The following PTPRM variants were observed in gnomAD, a reference collection of about 807,000 sequenced individuals.
PTPRM encodes the protein receptor-type tyrosine-protein phosphatase mu.
A neutral mutation model predicts 186.7 loss-of-function variants in PTPRM; 47 were observed. The ratio of observed to expected loss-of-function variants is 0.25; its 90% CI spans 0.20 to 0.32. The LOEUF (loss-of-function observed/expected upper bound fraction) is 0.32, where lower values mean the gene tolerates loss of function less well. Among genes scored for constraint, PTPRM ranks in the 10% least tolerant of loss-of-function variants. The pLI is 1.00. For synonymous variants in PTPRM, 668 were observed against 674.9 expected (o/e 0.99, Z 0.16); for missense variants, 1,494 against 1,865.0 (o/e 0.80, Z 3.66).
At chr18:8,238,651 G>GGT (rs2094376091) in intron 14 of PTPRM, among the ~76,000 whole-genome samples, 6 of 25,774 alleles carry the variant, frequency 2.3e-4, no homozygotes, top group Admixed American at 2.3e-3. Flanking sequence ...TGTTTTGTGT[G>GGT]TTTTTTTTTT....
At chr18:8,178,595 C>G (rs1179498962) in intron 14 of PTPRM, among the ~76,000 whole-genome samples, 2 of 151,866 alleles carry the variant, frequency 1.3e-5, no homozygotes, top group Non-Finnish European at 2.9e-5. Context: ...ACCAGCCTGG[C>G]CAACATGGTG....
intron 7 of PTPRM, among the ~76,000 whole-genome samples, chr18:8,009,143 G>C (rs539384493): frequency 1.3e-5 from 2 of 152,132 alleles, no homozygotes; most frequent in African/African-American, 4.8e-5. Flanking sequence ...GAGCTTCTCC[G>C]ATATAGCTTC....
chr18:8,360,823 A>G (rs2095593056), intron 23 of PTPRM: 1 of 152,250 alleles, frequency 6.6e-6, no homozygotes, highest in Non-Finnish European at 1.5e-5. Context: ...ATCACTTAAA[A>G]TTGTAAGTAA....
intron 14 of PTPRM, among the ~76,000 whole-genome samples, chr18:8,187,097 G>A (rs946128903): frequency 1.3e-5 from 2 of 151,952 alleles, no homozygotes; most frequent in East Asian, 1.9e-4. Context: ...ATGCCACCAC[G>A]CTGGGCAAAT....
intron 8 of PTPRM, among the ~76,000 whole-genome samples, chr18:8,075,384 C>T (rs912989875): frequency 5.9e-5 from 9 of 151,920 alleles, no homozygotes; most frequent in Admixed American, 4.6e-4. Context: ...GAGTTCTCTC[C>T]GACTGCTTAT....
intron 2 of PTPRM, among the ~76,000 whole-genome samples, chr18:7,798,475 G>A (rs975467324): frequency 2.9e-4 from 44 of 151,880 alleles, no homozygotes; most frequent in African/African-American, 1.0e-3. Flanking sequence ...GTTGCAGTGA[G>A]TAGAGATCAT....
At chr18:8,298,805 G>A (rs1247973809) in intron 20 of PTPRM, among the ~76,000 whole-genome samples, 1 of 152,170 alleles carries the variant, frequency 6.6e-6, no homozygotes, top group East Asian at 1.9e-4. Context: ...TGGGTGCTGG[G>A]ATGACTGGTC....
intron 14 of PTPRM, among the ~76,000 whole-genome samples, chr18:8,163,762 G>A (rs1041632931): frequency 3.9e-5 from 6 of 152,208 alleles, no homozygotes; most frequent in Admixed American, 3.9e-4. Context: ...ATTATGTGCA[G>A]TGTAACATGC....
At chr18:8,036,472 C>G (rs1600190682) in intron 7 of PTPRM, among the ~76,000 whole-genome samples, 1 of 152,310 alleles carries the variant, frequency 6.6e-6, no homozygotes, top group African/African-American at 2.4e-5. Flanking sequence ...CTCAGTTTCT[C>G]TAGCTATATA....
At chr18:8,175,515 C>A (rs532558683) in intron 14 of PTPRM, among the ~76,000 whole-genome samples, 1 of 152,108 alleles carries the variant, frequency 6.6e-6, no homozygotes, top group African/African-American at 2.4e-5. Context: ...TATGTCAATG[C>A]TATAATATAA....
intron 1 of PTPRM, among the ~76,000 whole-genome samples, chr18:7,669,398 G>C (rs978641234): frequency 3.9e-5 from 6 of 152,148 alleles, no homozygotes; most frequent in African/African-American, 1.4e-4. Context: ...AACTGAGAGG[G>C]TTTTGTGAAC....
intron 3 of PTPRM, among the ~76,000 whole-genome samples, chr18:7,889,379 C>T (rs1269163031): frequency 6.8e-6 from 1 of 146,338 alleles, no homozygotes; most frequent in African/African-American, 2.5e-5. Context: ...TTCCATCACC[C>T]GGGCTGGAGT....
chr18:7,970,554 A>C lies in PTPRM; in HGVS notation c.1132+15140A>C, dbSNP rs1458837193. Among the ~76,000 whole-genome samples, 4 of 29,792 alleles carry C rather than the reference A, an allele frequency of 1.3e-4. No individual in the cohort carries two copies. In the Admixed American group the frequency reaches 1.7e-3, roughly 12 times the overall value. 19.5% of individuals were successfully genotyped at this position (29,792 alleles called of 152,430 possible). A position where few individuals can be genotyped will look rare whatever the true frequency, so the allele number is the denominator to read the frequency against. ...GCAGACGACATGATTGTTTATCTAGAAAACCCCATTGTCTCAGCCCAAAAT... is the reference window on the plus strand; with the variant it reads ...GCAGACGACATGATTGTTTATCTAGCAAACCCCATTGTCTCAGCCCAAAAT... On this transcript the variant is annotated intron_variant, in intron 7 of 32. Coordinates refer to ENST00000580170, the MANE Select transcript of PTPRM (RefSeq NM_001105244.2).
At chr18:8,388,771 C>T (rs764691267) in intron 31 of PTPRM, among the ~76,000 whole-genome samples, 3 of 152,078 alleles carry the variant, frequency 2.0e-5, no homozygotes, top group Non-Finnish European at 4.4e-5. Flanking sequence ...ACCCTCCTGG[C>T]TAACACGTTG....
chr18:7,687,211 G>T (rs545276133), intron 1 of PTPRM, among the ~76,000 whole-genome samples: 2 of 152,210 alleles, frequency 1.3e-5, no homozygotes, highest in African/African-American at 4.8e-5. Flanking sequence ...CATCACTTTT[G>T]ATAGCACAGA....
At chr18:7,735,989 T>C (rs564692047) in intron 1 of PTPRM, among the ~76,000 whole-genome samples, 1 of 152,144 alleles carries the variant, frequency 6.6e-6, no homozygotes, top group South Asian at 2.1e-4. Flanking sequence ...GTAGTATTGA[T>C]TGATGCCCTT....
At chr18:7,679,745 A>G (rs937837576) in intron 1 of PTPRM, among the ~76,000 whole-genome samples, 1 of 152,126 alleles carries the variant, frequency 6.6e-6, no homozygotes, top group Non-Finnish European at 1.5e-5. Flanking sequence ...GTATAGTCAT[A>G]GTTTTATGGT....
Position 8,126,665 on chromosome 18 carries a change from G to T in PTPRM, c.2167+11838G>T, listed in dbSNP as rs543692751. Among the ~76,000 whole-genome samples, 13 of 152,256 alleles carry T rather than the reference G, an allele frequency of 8.5e-5. No individual in the cohort carries two copies. In the South Asian group the frequency reaches 2.7e-3, roughly 32 times the overall value. ...CAGAGCTAAGATGTAGGTAGATAAT[G>T]TCTGTCCTTCTGGGGACCCAAGGTT... On this transcript the variant is annotated intron_variant, in intron 13 of 32. Coordinates refer to ENST00000580170, the MANE Select transcript of PTPRM (RefSeq NM_001105244.2).
chr18:7,625,771 G>A (rs2038045788), intron 1 of PTPRM, among the ~76,000 whole-genome samples: 1 of 152,232 alleles, frequency 6.6e-6, no homozygotes, highest in South Asian at 2.1e-4. Flanking sequence ...CTGATGTCAG[G>A]TGATCCGCCC....
Sources: gnomAD v4.1 joint callset for allele counts (sites outside exome capture counted in the v4.1 genomes callset) on GRCh38, gnomAD v4.1.1 for gene constraint, MANE v1.5 for transcripts, NCBI Gene and HGNC (gene_info 2026-07-23, HGNC 2026-07-21) for gene names.